The following CTNND2 variants were observed in gnomAD, a reference collection of about 807,000 sequenced individuals.
CTNND2 encodes catenin delta 2.
A neutral mutation model predicts 144.4 loss-of-function variants in CTNND2; 22 were observed. That is an observed-to-expected ratio of 0.15 (90% CI 0.11 to 0.22). CTNND2 has a LOEUF of 0.22. Ranked by LOEUF, CTNND2 falls within the 10% of genes least tolerant of loss-of-function variation. The probability of loss-of-function intolerance (pLI) is 1.00; values close to 1 mark genes in which losing one functional copy is unlikely to be tolerated. For synonymous variants in CTNND2, 751 were observed against 695.6 expected (o/e 1.08, Z -1.25); for missense variants, 1,353 against 1,618.8 (o/e 0.84, Z 2.82).
chr5:11,653,189 A>T (rs1782736231), intron 2 of CTNND2, among the ~76,000 whole-genome samples: 1 of 151,924 alleles, frequency 6.6e-6, no homozygotes, highest in African/African-American at 2.4e-5. Context: ...ATTATTAACA[A>T]TGCCACAAGG....
intron 9 of CTNND2, among the ~76,000 whole-genome samples, chr5:11,280,448 C>T (rs1231552584): frequency 2.0e-5 from 3 of 152,180 alleles, no homozygotes; most frequent in Non-Finnish European, 2.9e-5. Flanking sequence ...CTGATGAGGG[C>T]TCTCTTCCTG....
At chr5:11,304,952 CCTTG>C (rs70949314) in intron 9 of CTNND2, among the ~76,000 whole-genome samples, 110,199 of 151,294 alleles carry the variant, frequency 0.73, 41,085 homozygotes, top group Middle Eastern at 0.88. Flanking sequence ...TTATGTGCTT[CCTTG>C]CTTGCTTGCT....
At chr5:11,180,931 G>A (rs1760930141) in intron 11 of CTNND2, among the ~76,000 whole-genome samples, 2 of 152,226 alleles carry the variant, frequency 1.3e-5, no homozygotes, top group South Asian at 4.1e-4. Context: ...GGTTGCCTGA[G>A]GATGTGGAGC....
intron 1 of CTNND2, among the ~76,000 whole-genome samples, chr5:11,829,514 G>A (rs1055116095): frequency 2.0e-5 from 3 of 152,198 alleles, no homozygotes; most frequent in African/African-American, 7.2e-5. Flanking sequence ...TGGCTTCACA[G>A]TGTACAAAGC....
intron 9 of CTNND2, among the ~76,000 whole-genome samples, chr5:11,341,746 G>A (rs917994267): frequency 7.2e-5 from 11 of 152,092 alleles, no homozygotes; most frequent in Non-Finnish European, 1.5e-5. Context: ...TGTAGCTCAT[G>A]CTTGCAACTC....
intron 11 of CTNND2, among the ~76,000 whole-genome samples, chr5:11,172,828 GGA>G (rs1760066698): frequency 6.6e-6 from 1 of 152,150 alleles, no homozygotes; most frequent in African/African-American, 2.4e-5. Flanking sequence ...AGGTCTGCGT[GGA>G]GAGAGAGTGT....
intron 11 of CTNND2, among the ~76,000 whole-genome samples, chr5:11,193,086 G>C (rs528615571): frequency 6.6e-6 from 1 of 152,124 alleles, no homozygotes; most frequent in African/African-American, 2.4e-5. Context: ...CAATTCCAGC[G>C]TGAGGCAGCC....
At chr5:11,172,707 A>G (rs1580485565) in intron 11 of CTNND2, among the ~76,000 whole-genome samples, 1 of 152,212 alleles carries the variant, frequency 6.6e-6, no homozygotes, top group African/African-American at 2.4e-5. Context: ...ACAAAGGTTG[A>G]CGTTAAGAGA....
At chr5:11,056,022 A>T (rs1263651949) in intron 16 of CTNND2, among the ~76,000 whole-genome samples, 1 of 152,234 alleles carries the variant, frequency 6.6e-6, no homozygotes, top group Non-Finnish European at 1.5e-5. Context: ...CTGACCCATG[A>T]GTACTGAATT....
intron 1 of CTNND2, among the ~76,000 whole-genome samples, chr5:11,857,619 G>A (rs182881217): frequency 1.0e-3 from 152 of 152,246 alleles, no homozygotes; most frequent in African/African-American, 3.7e-3. Context: ...GATCTTTGGG[G>A]TCAATAAGCA....
Position 11,153,321 on chromosome 5 carries a change from A to C in CTNND2, c.2159+6255T>G, listed in dbSNP as rs78464727. Among the ~76,000 whole-genome samples the C allele has an allele frequency of 4.8e-3, 735 of 152,328 alleles. 35 individuals carry two copies. The East Asian group carries it at 0.12, about 25-fold the overall frequency. ...GACACATGCCCCTCATCTCTGGCCA[A>C]GACTGGGATGAGCTAGTTTGGGGCT... On this transcript the variant is annotated intron_variant, in intron 12 of 21. Coordinates refer to ENST00000304623, the MANE Select transcript of CTNND2 (RefSeq NM_001332.4).
intron 12 of CTNND2, among the ~76,000 whole-genome samples, chr5:11,142,103 AC>A (rs1227311786): frequency 2.6e-5 from 4 of 152,142 alleles, no homozygotes; most frequent in African/African-American, 9.7e-5. Flanking sequence ...GCCTCCAGAT[AC>A]GTAAGAAATA....
chr5:11,560,223 AATC>A (rs1776576710), intron 3 of CTNND2, among the ~76,000 whole-genome samples: 4 of 152,164 alleles, frequency 2.6e-5, no homozygotes, highest in Admixed American at 2.6e-4. Context: ...TATTGTCATA[AATC>A]ATCATCATTT....
intron 11 of CTNND2, among the ~76,000 whole-genome samples, chr5:11,177,158 A>G (rs1760555947): frequency 6.6e-6 from 1 of 152,178 alleles, no homozygotes; most frequent in African/African-American, 2.4e-5. Flanking sequence ...TACATCCCTT[A>G]TTTCACGTCA....
chr5:11,527,589 G>A (rs1773370937), intron 3 of CTNND2, among the ~76,000 whole-genome samples: 1 of 152,152 alleles, frequency 6.6e-6, no homozygotes, highest in South Asian at 2.1e-4. Flanking sequence ...AGAAGCAAAG[G>A]TGGAGTCAAT....
chr5:11,262,880 CT>C (rs1301620794), intron 9 of CTNND2, among the ~76,000 whole-genome samples: 2 of 151,856 alleles, frequency 1.3e-5, no homozygotes, highest in African/African-American at 4.8e-5. Flanking sequence ...CCTGATCCCC[CT>C]AACTCCTTTC....
At chr5:11,065,247 C>T (rs1306395030) in intron 16 of CTNND2, among the ~76,000 whole-genome samples, 2 of 152,194 alleles carry the variant, frequency 1.3e-5, no homozygotes, top group African/African-American at 2.4e-5. Flanking sequence ...GTGGATGCAG[C>T]CATGATTATA....
intron 9 of CTNND2, among the ~76,000 whole-genome samples, chr5:11,243,173 T>TC (rs1442940389): frequency 2.6e-5 from 4 of 152,232 alleles, no homozygotes; most frequent in Non-Finnish European, 5.9e-5. Context: ...ATTTGCCCTT[T>TC]CAAAATAATT....
rs1251154417 is a variant in CTNND2, at chr5:11,903,884, C to T, written c.-31G>A. The T allele has an allele frequency of 1.4e-6, 2 of 1,431,324 alleles. No homozygotes were observed. Among genetic ancestry groups the T allele is most frequent in the Non-Finnish European group, 1.8e-6 (2 of 1,099,946 alleles). The allele number at this position is 1,431,324 out of a possible 1,614,324, so 88.7% of individuals were successfully genotyped here. A position where few individuals can be genotyped will look rare whatever the true frequency, so the allele number is the denominator to read the frequency against. On this transcript the variant is annotated 5_prime_UTR_variant, in exon 1 of 22. Transcript: ENST00000304623. This position sits in a 1 kb window ranked among gnomAD's most constrained non-coding sequence, Gnocchi z 5.4. ...CTCCGCCGGCGACAGCTCCTCAGTC[C>T]GGGAAGAGGCGTGCGCGGCGCCGCC...
Sources: allele counts gnomAD v4.1 joint callset (sites outside exome capture counted in the v4.1 genomes callset), GRCh38; gene constraint gnomAD v4.1.1; non-coding constraint Gnocchi (gnomAD v3.1); transcripts MANE v1.5; gene names NCBI Gene and HGNC (gene_info 2026-07-23, HGNC 2026-07-21).